The following NCOR2 variants were observed in gnomAD, a reference collection of about 807,000 sequenced individuals.
NCOR2 encodes CTG repeat protein 26.
In NCOR2, 81 loss-of-function variants were observed where a neutral mutation model predicts 262.9. The ratio of observed to expected loss-of-function variants is 0.31; its 90% confidence interval spans 0.26 to 0.37. The LOEUF is 0.37. Ranked by LOEUF, NCOR2 falls within the 10% of genes least tolerant of loss-of-function variation. The pLI is 1.00. For synonymous variants in NCOR2, 1,659 were observed against 1,559.3 expected (o/e 1.06, Z -1.51); for missense variants, 3,385 against 3,621.4 (o/e 0.93, Z 1.68).
rs1231526373 is a variant in NCOR2, at chr12:124,438,761, A to AGAGAGACC, written c.816-766_816-765insGGTCTCTC. On this transcript the variant is annotated intron_variant, in intron 7 of 46. Coordinates refer to ENST00000405201, the Ensembl canonical transcript of NCOR2. ...CAGAGAACCAGAGAGAGAGAGAGAGACAGAGACCCAGAGAGACAGAGAGAG... is the reference window on the plus strand; with the variant it reads ...CAGAGAACCAGAGAGAGAGAGAGAGAGAGAGACCCAGAGACCCAGAGAGACAGAGAGAG... 1.6e-4 allele frequency among the ~76,000 whole-genome samples: 23 copies of AGAGAGACC among 142,404 alleles called. 4 individuals carry two copies. The highest frequency in any genetic ancestry group is 5.7e-4 in the African/African-American group (22 of 38,514). 93.4% of individuals were successfully genotyped at this position (142,404 alleles called of 152,430 possible).
chr12:124,333,187 T>C (rs779572859), exon 42 of NCOR2: 2 of 1,612,942 alleles, frequency 1.2e-6, no homozygotes, highest in Non-Finnish European at 8.5e-7. Context: ...ACTCCGGGAG[T>C]GCCCTGGCTC....
At chr12:124,476,067 T>G (rs2047085856) in intron 3 of NCOR2, among the ~76,000 whole-genome samples, 1 of 152,068 alleles carries the variant, frequency 6.6e-6, no homozygotes, top group Admixed American at 6.6e-5. Flanking sequence ...TACCAGTGGG[T>G]GTGGGGCCCT....
chr12:124,537,364 G>A (rs552411904), upstream of NCOR2, among the ~76,000 whole-genome samples: 6 of 152,302 alleles, frequency 3.9e-5, no homozygotes, highest in South Asian at 2.1e-4. Flanking sequence ...TCTCCACCTC[G>A]TGCCAAAGCT....
chr12:124,381,685 T>C (rs1481878946), intron 17 of NCOR2, among the ~76,000 whole-genome samples: 1 of 152,196 alleles, frequency 6.6e-6, no homozygotes, highest in African/African-American at 2.4e-5. Flanking sequence ...CTTCAAACAT[T>C]TCGTGGCTGG....
At position 124,333,299 on chromosome 12, in the gene NCOR2, C is replaced by A; in HGVS notation, c.6606-20G>T. 6.3e-7 allele frequency: 1 copy of A among 1,577,432 alleles called. No homozygotes were observed. The highest frequency in any genetic ancestry group is 2.3e-5 in the East Asian group (1 of 44,008). On this transcript the variant is annotated intron_variant, in intron 41 of 46. Coordinates refer to ENST00000405201, the Ensembl canonical transcript of NCOR2. ...GGAGACCTGGATGGAGAAAGGGCCC[C>A]AGATGTGGTCAGAGGTCTCCCTACT...
chr12:124,506,426 G>T (rs773848975), intron 1 of NCOR2, among the ~76,000 whole-genome samples: 87 of 152,224 alleles, frequency 5.7e-4, no homozygotes, highest in South Asian at 4.1e-4. Flanking sequence ...CAGCCAGCTC[G>T]GCCCTGCTCC....
intron 5 of NCOR2, among the ~76,000 whole-genome samples, chr12:124,460,233 G>C (rs1307844502): frequency 6.6e-6 from 1 of 152,270 alleles, no homozygotes; most frequent in Non-Finnish European, 1.5e-5. Flanking sequence ...CCTGGACAGT[G>C]TCTGGCTCAC....
chr12:124,379,735 C>T (rs1180692753), intron 17 of NCOR2, among the ~76,000 whole-genome samples: 4 of 152,220 alleles, frequency 2.6e-5, no homozygotes, highest in Admixed American at 6.5e-5. Flanking sequence ...TATTTAGAAA[C>T]GGGATCCTGC....
At chr12:124,438,376 C>G (rs1028622197) in intron 7 of NCOR2, among the ~76,000 whole-genome samples, 1 of 152,164 alleles carries the variant, frequency 6.6e-6, no homozygotes, top group African/African-American at 2.4e-5. Flanking sequence ...GCCCGAGACC[C>G]CGAGACCTGC....
chr12:124,551,960 T>C (rs553254204), intron 1 of NCOR2, among the ~76,000 whole-genome samples: 2 of 152,160 alleles, frequency 1.3e-5, no homozygotes, highest in Admixed American at 6.5e-5. Context: ...TGGGGACTTA[T>C]TTATTTTCTG....
rs2038080523 is a variant in NCOR2, at chr12:124,357,835, C to CAT, written c.3101-1055_3101-1054dup. Among the ~76,000 whole-genome samples, 3 of 16,442 alleles carry CAT rather than the reference C, an allele frequency of 1.8e-4. No individual in the cohort carries two copies. In the South Asian group the frequency reaches 0.013, roughly 70 times the overall value. The allele number at this position is 16,442 out of a possible 152,430, so 10.8% of individuals were successfully genotyped here. ...GCGCACGCGCGTGCACGTGTATGTG[C>CAT]ATGTGTGTGTGAGTGCATGGATGTG... On this transcript the variant is annotated intron_variant, in intron 22 of 46. Transcript: ENST00000405201.
At chr12:124,329,133 GA>G in intron 44 of NCOR2, 1 of 470,318 alleles carries the variant, frequency 2.1e-6, no homozygotes. Context: ...CTGGAGCCTG[GA>G]AAATTTCTTC....
chr12:124,337,727 C>T (rs1314888816), intron 37 of NCOR2, among the ~76,000 whole-genome samples: 6 of 151,866 alleles, frequency 4.0e-5, no homozygotes, highest in Non-Finnish European at 7.4e-5. Context: ...CCAGGGTGGG[C>T]GTTGAGAACA....
chr12:124,372,392 G>A, exon 20 of NCOR2: 1 of 1,505,896 alleles, frequency 6.6e-7, no homozygotes, highest in Non-Finnish European at 8.8e-7. Context: ...GAGGGCGATG[G>A]GGGTGCTGGT....
chr12:124,335,601 C>T (rs1401481118), exon 39 of NCOR2: 4 of 1,606,250 alleles, frequency 2.5e-6, no homozygotes, highest in African/African-American at 2.7e-5. Flanking sequence ...CGGGCTCCAC[C>T]CCTTCGGGGC....
At position 124,443,450 on chromosome 12, in the gene NCOR2, G is replaced by A. The variant is rs1304246044; in HGVS notation, c.816-5454C>T. ...CAAACTGCACAGTGCACAGGCCAGA[G>A]ACAGCCTCTGAGGGTGTTGTGTTGG... On this transcript the variant is annotated intron_variant, in intron 7 of 46. Transcript: ENST00000405201. The surrounding 1 kb of genome is among the most constrained non-coding windows in gnomAD (Gnocchi z 4.4). 6.6e-6 allele frequency among the ~76,000 whole-genome samples: 1 copy of A among 152,230 alleles called. No homozygotes were observed. Among genetic ancestry groups the A allele is most frequent in the South Asian group, 2.1e-4 (1 of 4,832 alleles).
rs943343127 is a variant in NCOR2, at chr12:124,548,990, A to G, written c.-164-13379T>C. Among the ~76,000 whole-genome samples the G allele has an allele frequency of 3.3e-5, 5 of 152,102 alleles. No homozygotes were observed. The highest frequency in any genetic ancestry group is 5.9e-5 in the Non-Finnish European group (4 of 68,024). ...CCTTACCCGACGGTTGGGGCACCGC[A>G]CAGATTTTTGCTGTTGTTGTTAATT... is the stretch of plus-strand genomic sequence containing the variant. On this transcript the variant is annotated intron_variant, in intron 1 of 32. Coordinates refer to the NCOR2 transcript ENST00000458234. This position sits in a 1 kb window ranked among gnomAD's most constrained non-coding sequence, Gnocchi z 5.1.
rs1310074061 is a variant in NCOR2, at chr12:124,413,948, A to ATATCAGAGGGTGTCTCCACACCCT, written c.1482+6008_1482+6009insAGGGTGTGGAGACACCCTCTGATA. 5.2e-3 allele frequency among the ~76,000 whole-genome samples: 646 copies of ATATCAGAGGGTGTCTCCACACCCT among 123,776 alleles called. 15 individuals carry two copies. The East Asian group carries it at 0.082, about 16-fold the overall frequency. 81.2% of individuals were successfully genotyped at this position (123,776 alleles called of 152,430 possible). On this transcript the variant is annotated intron_variant, in intron 13 of 46. Transcript: ENST00000405201. ...CCCCCCCACCCCAGGACTCCCACCCACCCCATATCAGAGGGTGTCTCCACA... is the reference window on the plus strand; with the variant it reads ...CCCCCCCACCCCAGGACTCCCACCCATATCAGAGGGTGTCTCCACACCCTCCCCATATCAGAGGGTGTCTCCACA...
intron 11 of NCOR2, among the ~76,000 whole-genome samples, chr12:124,425,655 C>G (rs2043495505): frequency 6.6e-6 from 1 of 152,182 alleles, no homozygotes; most frequent in African/African-American, 2.4e-5. Context: ...CGCAGATTCT[C>G]ACTGTGGGGT....
Sources: gnomAD v4.1 joint callset for allele counts (sites outside exome capture counted in the v4.1 genomes callset) on GRCh38, gnomAD v4.1.1 for gene constraint, Gnocchi (gnomAD v3.1) non-coding constraint, MANE v1.5 for transcripts, NCBI Gene and HGNC (gene_info 2026-07-23, HGNC 2026-07-21) for gene names.